COL22A1: variants seen among roughly 807,000 people sequenced by gnomAD.
COL22A1 encodes the protein collagen type XXII alpha 1 chain.
COL22A1 carries 221 observed loss-of-function variants against 248.9 expected under a neutral mutation model. That is an observed-to-expected ratio of 0.89 (90% CI 0.80 to 0.99). The LOEUF is 0.99. Ranked by LOEUF, COL22A1 falls within the 50% of genes least tolerant of loss-of-function variation. The pLI, the probability that COL22A1 is intolerant of heterozygous loss-of-function variation, is 0.00. For missense variants in COL22A1, 2,240 were observed against 2,179.0 expected (o/e 1.03, Z -0.56); for synonymous variants, 891 against 793.4 (o/e 1.12, Z -2.07).
intron 10 of COL22A1, among the ~76,000 whole-genome samples, chr8:138,805,043 G>A (rs1308851397): frequency 7.5e-6 from 1 of 132,854 alleles, no homozygotes; most frequent in Non-Finnish European, 1.5e-5. Context: ...GTGTGTGATG[G>A]TGTGTGTAAT....
At chr8:138,699,307 G>T (rs1221250588) in intron 32 of COL22A1, among the ~76,000 whole-genome samples, 2 of 152,036 alleles carry the variant, frequency 1.3e-5, no homozygotes, top group East Asian at 3.9e-4. Flanking sequence ...TGCATCACAC[G>T]CAGGATTCTT....
chr8:138,758,915 A>G (rs936746526), intron 18 of COL22A1, among the ~76,000 whole-genome samples: 2 of 152,204 alleles, frequency 1.3e-5, no homozygotes, highest in Admixed American at 6.5e-5. Flanking sequence ...ACCCACACAT[A>G]GGCGGCAGCA....
intron 56 of COL22A1, among the ~76,000 whole-genome samples, chr8:138,613,049 C>A (rs1348374391): frequency 6.7e-6 from 1 of 150,320 alleles, no homozygotes; most frequent in Non-Finnish European, 1.5e-5. Context: ...GAGATAGAGA[C>A]CATCCTGGCT....
At chr8:138,762,992 G>A (rs1833618171) in intron 16 of COL22A1, among the ~76,000 whole-genome samples, 1 of 152,200 alleles carries the variant, frequency 6.6e-6, no homozygotes, top group Non-Finnish European at 1.5e-5. Flanking sequence ...CTTACTAGCT[G>A]TGGGATCTTG....
At chr8:138,723,230 T>C (rs1295599455) in intron 25 of COL22A1, among the ~76,000 whole-genome samples, 1 of 152,142 alleles carries the variant, frequency 6.6e-6, no homozygotes, top group Non-Finnish European at 1.5e-5. Flanking sequence ...CCACAGAACC[T>C]GCTGCCACCC....
chr8:138,653,507 C>A (rs1401746042), intron 45 of COL22A1, among the ~76,000 whole-genome samples: 1 of 152,156 alleles, frequency 6.6e-6, no homozygotes, highest in African/African-American at 2.4e-5. Flanking sequence ...CTGTAAAATG[C>A]AGACAGCAAC....
chr8:138,662,159 T>C (rs1824024928), intron 42 of COL22A1, 76 bp from the exon 43 acceptor site: 1 of 1,237,994 alleles, frequency 8.1e-7, no homozygotes, highest in Admixed American at 1.9e-5. Context: ...TTGGCAATAG[T>C]TGGCTCTCCT....
intron 61 of COL22A1, among the ~76,000 whole-genome samples, chr8:138,597,317 T>C (rs542965337): frequency 6.6e-6 from 1 of 152,312 alleles, no homozygotes; most frequent in East Asian, 1.9e-4. Flanking sequence ...CTGGGAGATC[T>C]GGCCCCTAAT....
intron 40 of COL22A1, among the ~76,000 whole-genome samples, 200 bp from the exon 41 acceptor site, chr8:138,676,835 G>T (rs1413123427): frequency 6.6e-6 from 1 of 152,156 alleles, no homozygotes; most frequent in Admixed American, 6.5e-5. Flanking sequence ...CACCAACTCA[G>T]ATTATATACC....
chr8:138,689,083 C>T, intron 36 of COL22A1, 113 bp from the exon 37 acceptor site: 1 of 810,936 alleles, frequency 1.2e-6, no homozygotes, highest in Non-Finnish European at 2.2e-6. Flanking sequence ...ACGACTACAG[C>T]TCCCACCCAA....
chr8:138,795,067 C>T (rs961142916), intron 12 of COL22A1, among the ~76,000 whole-genome samples: 1 of 151,868 alleles, frequency 6.6e-6, no homozygotes, highest in Non-Finnish European at 1.5e-5. Context: ...TGTGAGTGTC[C>T]TTACCACAAT....
At chr8:138,879,738 A>G (rs1824040296) in intron 2 of COL22A1, among the ~76,000 whole-genome samples, 1 of 151,862 alleles carries the variant, frequency 6.6e-6, no homozygotes, top group Non-Finnish European at 1.5e-5. Flanking sequence ...AAGAGGAAGA[A>G]AAAGCCCTAG....
chr8:138,717,019 T>C, intron 27 of COL22A1, 150 bp from the exon 28 acceptor site: 2 of 667,312 alleles, frequency 3.0e-6, no homozygotes, highest in Non-Finnish European at 5.4e-6. Context: ...CCAAGAGTCA[T>C]GGGCTCTGAA....
chr8:138,779,550 C>A lies in COL22A1; in HGVS notation c.1663G>T (p.Glu555Ter). The A allele has an allele frequency of 6.2e-7, 1 of 1,613,228 alleles. No individual in the cohort carries two copies. The change falls in exon 14 of 65, where the codon GAG becomes TAG. Residue 555 changes from glutamate to a stop codon, truncating the protein, a stop_gained. Transcript: ENST00000303045. LOFTEE classifies it high-confidence loss of function. The part of the protein sequence containing the change: ...GSKGMRGEPG[E>*]LGEPGLPGEV... ...CCCGGCAGCCCCGGCTCTCCCAGCT[C>A]TCCTGGCTCCCCCTGAACAAACAAA...
chr8:138,840,424 G>A (rs1221603853), intron 4 of COL22A1, among the ~76,000 whole-genome samples: 2 of 151,950 alleles, frequency 1.3e-5, no homozygotes, highest in Non-Finnish European at 2.9e-5. Context: ...ACTGACACAG[G>A]AGGGCCCATA....
At chr8:138,643,028 TAAA>T (rs113537470) in intron 47 of COL22A1, among the ~76,000 whole-genome samples, 7 of 130,542 alleles carry the variant, frequency 5.4e-5, no homozygotes, top group African/African-American at 8.3e-5. Flanking sequence ...GACTCTATCT[TAAA>T]AAAAAAAAAA....
intron 9 of COL22A1, 84 bp downstream of exon 9, chr8:138,811,715 C>T: frequency 6.5e-7 from 1 of 1,546,476 alleles, no homozygotes; most frequent in South Asian, 1.1e-5. Flanking sequence ...GCCCCCCTGA[C>T]CTGAAAGGCC....
chr8:138,852,204 AC>A (rs2131906573), intron 3 of COL22A1, among the ~76,000 whole-genome samples: 1 of 152,084 alleles, frequency 6.6e-6, no homozygotes, highest in African/African-American at 2.4e-5. Context: ...AAGATGTGTC[AC>A]CCTGCAGCAG....
chr8:138,673,477 G>T (rs1237659016), intron 41 of COL22A1, among the ~76,000 whole-genome samples: 2 of 152,138 alleles, frequency 1.3e-5, no homozygotes, highest in South Asian at 2.1e-4. Context: ...CCAAAGTGCT[G>T]GGATTACAGG....
Sources: gnomAD v4.1 joint callset for allele counts (sites outside exome capture counted in the v4.1 genomes callset) on GRCh38, gnomAD v4.1.1 for gene constraint, MANE v1.5 for transcripts, NCBI Gene and HGNC (gene_info 2026-07-23, HGNC 2026-07-21) for gene names.